EIF3A: variants seen among roughly 807,000 people sequenced by gnomAD.
The protein encoded by EIF3A is EIF3, p180 subunit.
EIF3A carries 21 observed loss-of-function variants against 186.6 expected under a neutral mutation model. The observed-to-expected ratio is 0.11, with a 90% CI of 0.08 to 0.16. EIF3A has a LOEUF of 0.16. EIF3A is among the 10% of genes least tolerant of loss of function. The probability of loss-of-function intolerance (pLI) is 1.00; values close to 1 mark genes in which losing one functional copy is unlikely to be tolerated. For synonymous variants in EIF3A, 563 were observed against 584.3 expected (o/e 0.96, Z 0.52); for missense variants, 1,306 against 1,796.3 (o/e 0.73, Z 4.93).
In EIF3A at chr10:119,041,978, G is replaced by A; in HGVS notation, c.3526+16C>T. ...CAGGTGAACACTTAAGCATATTCTA[G>A]GAAATAGAATTTTACCTGGCTTGAC... On this transcript the variant is annotated intron_variant, in intron 19 of 21. Transcript: ENST00000369144. 6.2e-7 allele frequency: 1 copy of A among 1,611,100 alleles called. No individual in the cohort carries two copies. The highest frequency in any genetic ancestry group is 1.1e-5 in the South Asian group (1 of 90,930).
intron 1 of EIF3A, among the ~76,000 whole-genome samples, chr10:119,077,554 G>A (rs1844197659): frequency 6.8e-6 from 1 of 147,982 alleles, no homozygotes; most frequent in African/African-American, 2.6e-5. Flanking sequence ...TAGTTCCTCC[G>A]AATTTTTTTT....
rs150395497 is a variant in EIF3A, at chr10:119,079,901, G to A, written c.49+727C>T. Among the ~76,000 whole-genome samples the A allele has an allele frequency of 1.4e-4, 22 of 152,316 alleles. No individual in the cohort carries two copies. The East Asian group carries it at 3.9e-3, about 27-fold the overall frequency. On this transcript the variant is annotated intron_variant, in intron 1 of 21. Transcript: ENST00000369144. ...TTTCGTTATCTTTAAGAGGCGACCT[G>A]AAGTCCCTTTACATTAACTCTATTC...
At chr10:119,061,079 TGAAA>T in intron 8 of EIF3A, 141 bp downstream of exon 8, 1 of 568,532 alleles carries the variant, frequency 1.8e-6, no homozygotes, top group Non-Finnish European at 3.1e-6. Flanking sequence ...TCTTTTCTCT[TGAAA>T]TAAAGAAAAA....
chr10:119,050,014 G>A, intron 16 of EIF3A, 29 bp from the exon 17 acceptor site: 1 of 1,602,788 alleles, frequency 6.2e-7, no homozygotes, highest in Non-Finnish European at 8.5e-7. Context: ...TACTAAGTGT[G>A]CCTCCCAGCC....
At chr10:119,051,978 T>C (rs146233744) in intron 14 of EIF3A, among the ~76,000 whole-genome samples, 1 of 152,378 alleles carries the variant, frequency 6.6e-6, no homozygotes, top group East Asian at 1.9e-4. Context: ...TGTTGACGAC[T>C]GCTGAATGAT....
rs747038167 is a variant in EIF3A, at chr10:119,058,176, T to G, written c.1757A>C (p.Asn586Thr). 6.2e-7 allele frequency: 1 copy of G among 1,614,144 alleles called. No individual in the cohort carries two copies. Among genetic ancestry groups the G allele is most frequent in the East Asian group, 2.2e-5 (1 of 44,888 alleles). ...CAATTCTTCTTTCTCACGCTGAATA[T>G]TCAGACTCTCAAGGCGCTCTTTTCT... is the stretch of plus-strand genomic sequence containing the variant. ...EERKERLESL[N>T]IQREKEELEQ... The change falls in exon 12 of 22, where the codon AAT becomes ACT. Residue 586 changes from asparagine to threonine, a missense_variant. Asn to Thr is a moderately conservative substitution (Grantham distance 65). Transcript: ENST00000369144.
At chr10:119,054,848 G>C (rs1220480593) in intron 14 of EIF3A, among the ~76,000 whole-genome samples, 1 of 152,212 alleles carries the variant, frequency 6.6e-6, no homozygotes, top group Non-Finnish European at 1.5e-5. Context: ...AAGTGAGACA[G>C]GTGACTCTTC....
intron 19 of EIF3A, among the ~76,000 whole-genome samples, chr10:119,040,724 T>A (rs1373033933): frequency 3.3e-5 from 5 of 151,430 alleles, no homozygotes; most frequent in Admixed American, 3.3e-4. Context: ...TACAAAAAAA[T>A]GGCCGGGCGT....
At chr10:119,070,844 G>T in intron 5 of EIF3A, 42 bp downstream of exon 5, 2 of 1,385,476 alleles carry the variant, frequency 1.4e-6, no homozygotes, top group Non-Finnish European at 2.1e-6. Flanking sequence ...AAGTAACACA[G>T]ACTATTATTT....
intron 14 of EIF3A, among the ~76,000 whole-genome samples, chr10:119,055,229 A>G (rs1380127552): frequency 6.6e-6 from 1 of 152,154 alleles, no homozygotes; most frequent in Non-Finnish European, 1.5e-5. Flanking sequence ...TATACATATT[A>G]GTGTCTCAGG....
chr10:119,039,210 C>A (rs1031194816), intron 19 of EIF3A, among the ~76,000 whole-genome samples: 11 of 152,144 alleles, frequency 7.2e-5, no homozygotes, highest in African/African-American at 2.7e-4. Context: ...CCATTTGCCA[C>A]CCATTATCTA....
At chr10:119,074,975 A>ATT (rs1313468467) in intron 1 of EIF3A, among the ~76,000 whole-genome samples, 7 of 95,236 alleles carry the variant, frequency 7.4e-5, no homozygotes, top group South Asian at 4.3e-4. Context: ...AAAATAACTT[A>ATT]TTTTTTTTCT....
intron 14 of EIF3A, among the ~76,000 whole-genome samples, chr10:119,052,368 T>TTGTGTGTG (rs61029991): frequency 0.054 from 6,645 of 123,004 alleles, 401 homozygotes; most frequent in East Asian, 0.15. Flanking sequence ...TTTTTTGGTT[T>TTGTGTGTG]TGTGTGTGTG....
chr10:119,049,785 T>A lies in EIF3A; in HGVS notation c.2658+16A>T. ...TCACATTAAAACAAAATAAAATCAA[T>A]AAACCCTATACTCACCTTTCTAGAA... On this transcript the variant is annotated intron_variant, in intron 17 of 21. Transcript: ENST00000369144. 6.3e-7 allele frequency: 1 copy of A among 1,587,182 alleles called. No individual in the cohort carries two copies. Among genetic ancestry groups the A allele is most frequent in the Non-Finnish European group, 8.6e-7 (1 of 1,166,532 alleles).
intron 14 of EIF3A, among the ~76,000 whole-genome samples, chr10:119,053,557 C>CAAAAAAAAAAAA (rs33979018): frequency 9.0e-6 from 1 of 110,548 alleles, no homozygotes; most frequent in Non-Finnish European, 1.8e-5. Context: ...ACTAAAAATA[C>CAAAAAAAAAAAA]AAAAAAAAAA....
At chr10:119,079,692 A>C (rs1263088784) in intron 1 of EIF3A, among the ~76,000 whole-genome samples, 3 of 152,206 alleles carry the variant, frequency 2.0e-5, no homozygotes, top group African/African-American at 7.2e-5. Context: ...ATCGGGGCAC[A>C]CAAGTTTTTC....
Position 119,065,460 on chromosome 10 carries a change from C to T in EIF3A, c.1061G>A (p.Arg354His), listed in dbSNP as rs762356806. ...MDGIIVEKQR[R>H]LATLLGLQAP... ...TTGAAGACCTAGTAGTGTTGCAAGG[C>T]GACGCTGTTTTTCAACTATAATGCC... The change falls in exon 7 of 22, where the codon CGC (arginine) becomes CAC (histidine). Residue 354 changes from arginine (R) to histidine (H), a missense_variant. Physicochemically the swap from Arg to His is conservative, Grantham distance 29. Coordinates refer to ENST00000369144, the MANE Select transcript of EIF3A (RefSeq NM_003750.4). The T allele has an allele frequency of 2.5e-6, 4 of 1,613,664 alleles. No individual in the cohort carries two copies. Among genetic ancestry groups the T allele is most frequent in the African/African-American group, 1.3e-5 (1 of 74,886 alleles).
rs1193642105 is a variant in EIF3A at position 119,042,491 on chromosome 10, C to T, written c.3029G>A (p.Arg1010His). The change falls in exon 19 of 22, where the codon CGT (arginine) becomes CAT (histidine). Residue 1010 changes from arginine (R) to histidine (H), a missense_variant. Physicochemically the swap from Arg to His is conservative, Grantham distance 29. This residue lies in a region of EIF3A where 410 missense variants were observed against 473.5 expected (regional missense o/e 0.87). Coordinates refer to ENST00000369144, the MANE Select transcript of EIF3A (RefSeq NM_003750.4). This position sits in a 1 kb window ranked among gnomAD's most constrained non-coding sequence, Gnocchi z 7.8. ...RIADEDRGNWRHADDDRPPRR... is the reference protein window; with the variant it reads ...RIADEDRGNWHHADDDRPPRR... ...AGGTGGTCTGTCATCATCCGCATGA[C>T]GCCAGTTTCCCCTGTCTTCATCGGC... 9 of 1,614,210 alleles carry T rather than the reference C, an allele frequency of 5.6e-6. No individual in the cohort carries two copies. Among genetic ancestry groups the T allele is most frequent in the Admixed American group, 5.0e-5 (3 of 60,030 alleles).
chr10:119,079,669 A>C (rs1844231331), intron 1 of EIF3A, among the ~76,000 whole-genome samples: 1 of 152,216 alleles, frequency 6.6e-6, no homozygotes, highest in African/African-American at 2.4e-5. Context: ...AATGTAATAA[A>C]TGCCTTGGAG....
Sources: gnomAD v4.1 joint callset for allele counts (sites outside exome capture counted in the v4.1 genomes callset) on GRCh38, gnomAD v4.1.1 for gene constraint, gnomAD v4.1.1 regional missense constraint, Gnocchi (gnomAD v3.1) non-coding constraint, MANE v1.5 for transcripts, NCBI Gene and HGNC (gene_info 2026-07-23, HGNC 2026-07-21) for gene names.